STK24: variants seen among roughly 807,000 people sequenced by gnomAD.
STK24 encodes serine/threonine-protein kinase 24.
A neutral mutation model predicts 55.6 loss-of-function variants in STK24; 21 were observed. That is an observed-to-expected ratio of 0.38 (90% CI 0.27 to 0.54). The LOEUF is 0.54. STK24 is among the 20% of genes least tolerant of loss of function. The pLI is 0.79. For missense variants in STK24, 383 were observed against 538.4 expected (o/e 0.71, Z 2.86); for synonymous variants, 200 against 215.2 (o/e 0.93, Z 0.62).
chr13:98,475,121 G>T, intron 4 of STK24, 129 bp downstream of exon 4: 1 of 1,406,856 alleles, frequency 7.1e-7, no homozygotes, highest in Non-Finnish European at 9.5e-7. Context: ...CCCCCTCAAA[G>T]CCAGCCCAGC....
chr13:98,532,573 C>T (rs1165360550), intron 1 of STK24, among the ~76,000 whole-genome samples: 3 of 152,080 alleles, frequency 2.0e-5, no homozygotes, highest in African/African-American at 4.8e-5. Flanking sequence ...AAGGGTGCTT[C>T]GTGTACGGTG....
At chr13:98,563,830 A>G (rs1450820056) in intron 1 of STK24, among the ~76,000 whole-genome samples, 1 of 151,940 alleles carries the variant, frequency 6.6e-6, no homozygotes, top group Non-Finnish European at 1.5e-5. Flanking sequence ...ACTGCACTCC[A>G]GCCTGGGTGA....
At chr13:98,554,947 G>T (rs1230203489) in intron 1 of STK24, among the ~76,000 whole-genome samples, 2 of 149,936 alleles carry the variant, frequency 1.3e-5, no homozygotes, top group Admixed American at 6.7e-5. Flanking sequence ...CCAGGGAGAT[G>T]GAGGTTGCAG....
At chr13:98,460,083 C>T (rs1893636496) in intron 9 of STK24, among the ~76,000 whole-genome samples, 2 of 152,226 alleles carry the variant, frequency 1.3e-5, no homozygotes, top group Non-Finnish European at 2.9e-5. Context: ...GCAGGCTGTA[C>T]ACAATGAGAT....
chr13:98,546,798 C>T (rs975139186), intron 1 of STK24, among the ~76,000 whole-genome samples: 4 of 152,208 alleles, frequency 2.6e-5, no homozygotes, highest in Admixed American at 2.0e-4. Flanking sequence ...AAGGCCAGAA[C>T]ACATGAACTC....
chr13:98,558,512 AAACT>A (rs1897332969), intron 1 of STK24, among the ~76,000 whole-genome samples: 1 of 152,168 alleles, frequency 6.6e-6, no homozygotes, highest in Non-Finnish European at 1.5e-5. Flanking sequence ...AGACCAACCT[AAACT>A]AACTCAGAAA....
chr13:98,561,996 AAAAAAAG>A (rs1897436206), intron 1 of STK24, among the ~76,000 whole-genome samples: 1 of 151,014 alleles, frequency 6.6e-6, no homozygotes, highest in African/African-American at 2.4e-5. Context: ...AAAAAAAAAA[AAAAAAAG>A]ATGTGACACG....
rs967818766 is a variant in STK24 at position 98,452,165 on chromosome 13, T to C, written c.*1008A>G. On this transcript the variant is annotated 3_prime_UTR_variant, in exon 11 of 11. Transcript: ENST00000539966. ...TTTCAAGGAGTATGCAAAATAAGCG[T>C]GTTATAAAATTTATTTGTGTAAGCA... is the stretch of plus-strand genomic sequence containing the variant. 4 of 152,054 alleles carry C rather than the reference T, an allele frequency of 2.6e-5. No individual in the cohort carries two copies. Among genetic ancestry groups the C allele is most frequent in the African/African-American group, 9.7e-5 (4 of 41,366 alleles). 9.4% of individuals were successfully genotyped at this position (152,054 alleles called of 1,614,324 possible).
chr13:98,555,935 G>T (rs1402864370), intron 1 of STK24, among the ~76,000 whole-genome samples: 1 of 151,254 alleles, frequency 6.6e-6, no homozygotes, highest in Admixed American at 6.6e-5. Flanking sequence ...ACCCGCCTCG[G>T]CCTCTCAAAG....
At chr13:98,576,615 G>C in intron 1 of STK24, 130 bp downstream of exon 1, 1 of 699,258 alleles carries the variant, frequency 1.4e-6, no homozygotes, top group Non-Finnish European at 2.1e-6. Context: ...CGGCCGAGCC[G>C]GGCGCGCGGG....
intron 1 of STK24, among the ~76,000 whole-genome samples, chr13:98,543,560 G>T (rs1273709139): frequency 1.3e-5 from 2 of 152,180 alleles, no homozygotes; most frequent in Non-Finnish European, 2.9e-5. Context: ...AGGCCAGGGT[G>T]GGCGCGGACC....
chr13:98,456,827 G>T (rs1398372514), intron 10 of STK24: 1 of 414,178 alleles, frequency 2.4e-6, no homozygotes, highest in Non-Finnish European at 4.5e-6. Context: ...CAGATAGATA[G>T]TTACACACAT....
At chr13:98,476,477 C>A (rs1292109204) in intron 3 of STK24, among the ~76,000 whole-genome samples, 1 of 152,226 alleles carries the variant, frequency 6.6e-6, no homozygotes, top group Non-Finnish European at 1.5e-5. Flanking sequence ...CAGGAAGATA[C>A]AATCTGGGGC....
At chr13:98,498,289 G>C (rs1895324919) in intron 2 of STK24, among the ~76,000 whole-genome samples, 1 of 152,232 alleles carries the variant, frequency 6.6e-6, no homozygotes, top group Admixed American at 6.5e-5. Context: ...AATGTCACTG[G>C]ACAAAGTGGT....
At chr13:98,457,115 A>G (rs1445566973) in intron 10 of STK24, 53 bp downstream of exon 10, 21 of 1,586,486 alleles carry the variant, frequency 1.3e-5, no homozygotes, top group African/African-American at 4.0e-5. Context: ...ACTAAGTCCC[A>G]GCCCAAGTGC....
At chr13:98,453,327 G>C in intron 10 of STK24, 118 bp from the exon 11 acceptor site, 1 of 1,032,518 alleles carries the variant, frequency 9.7e-7, no homozygotes, top group Non-Finnish European at 1.4e-6. Context: ...ACAAAAATAA[G>C]TGGAGCAAAT....
chr13:98,537,493 C>T (rs1896767390), intron 1 of STK24, among the ~76,000 whole-genome samples: 1 of 152,192 alleles, frequency 6.6e-6, no homozygotes, highest in African/African-American at 2.4e-5. Flanking sequence ...CCAGCTGTGG[C>T]ACGAGAGGCA....
chr13:98,565,843 C>T (rs555191917), intron 1 of STK24, among the ~76,000 whole-genome samples: 50 of 152,214 alleles, frequency 3.3e-4, no homozygotes, highest in African/African-American at 1.1e-3. Context: ...TCCAAGTCAC[C>T]GCCCCCCACA....
intron 2 of STK24, among the ~76,000 whole-genome samples, chr13:98,484,086 C>T (rs1471276256): frequency 2.0e-5 from 3 of 152,214 alleles, no homozygotes; most frequent in Admixed American, 6.5e-5. Flanking sequence ...CATCCAGTCA[C>T]GGGCACCTGC....
Sources: allele counts gnomAD v4.1 joint callset (sites outside exome capture counted in the v4.1 genomes callset), GRCh38; gene constraint gnomAD v4.1.1; transcripts MANE v1.5; gene names NCBI Gene and HGNC (gene_info 2026-07-23, HGNC 2026-07-21).